Variants in WWC2 observed in about 807,000 individuals in gnomAD.
The protein encoded by WWC2 is protein WWC2.
In WWC2, 101 loss-of-function variants were observed where a neutral mutation model predicts 138.5. That is an observed-to-expected ratio of 0.73 (90% CI 0.62 to 0.86). The LOEUF is 0.86. Among genes scored for constraint, WWC2 ranks in the 40% least tolerant of loss-of-function variants. The pLI, the probability that WWC2 is intolerant of heterozygous loss-of-function variation, is 0.00. For missense variants in WWC2, 1,420 were observed against 1,419.4 expected (o/e 1.00, Z -0.01); for synonymous variants, 558 against 538.4 (o/e 1.04, Z -0.50).
At chr4:183,210,716 A>T (rs917468055) in intron 4 of WWC2, among the ~76,000 whole-genome samples, 2 of 152,218 alleles carry the variant, frequency 1.3e-5, no homozygotes, top group Non-Finnish European at 2.9e-5. Flanking sequence ...CACCTCAGCT[A>T]TATGGGATAG....
At chr4:183,139,652 C>G (rs945627728) in intron 1 of WWC2, among the ~76,000 whole-genome samples, 1 of 152,154 alleles carries the variant, frequency 6.6e-6, no homozygotes, top group African/African-American at 2.4e-5. Context: ...TGTTTGAGAT[C>G]TTAAACTTGT....
chr4:183,258,646 C>G (rs1218871631), intron 9 of WWC2, among the ~76,000 whole-genome samples: 1 of 152,158 alleles, frequency 6.6e-6, no homozygotes, highest in Admixed American at 6.5e-5. Context: ...CTCCATTGAT[C>G]CCTTTAACAG....
chr4:183,133,116 C>T (rs115715876), intron 1 of WWC2, among the ~76,000 whole-genome samples: 7 of 137,274 alleles, frequency 5.1e-5, no homozygotes, highest in African/African-American at 1.9e-4. Context: ...TTCCCTTTTT[C>T]CTTCCCTTTT....
At chr4:183,140,055 G>T (rs1291816811) in intron 1 of WWC2, among the ~76,000 whole-genome samples, 1 of 152,212 alleles carries the variant, frequency 6.6e-6, no homozygotes, top group Non-Finnish European at 1.5e-5. Flanking sequence ...CAGGTAATCT[G>T]CCTGCCTCTG....
At chr4:183,289,676 C>G in intron 21 of WWC2, 41 bp downstream of exon 21, 1 of 1,593,028 alleles carries the variant, frequency 6.3e-7, no homozygotes, top group Non-Finnish European at 8.5e-7. Flanking sequence ...GGGCTTACAT[C>G]TTTTTTTAAA....
chr4:183,234,854 A>G (rs1160285668), intron 4 of WWC2, among the ~76,000 whole-genome samples: 1 of 152,178 alleles, frequency 6.6e-6, no homozygotes, highest in African/African-American at 2.4e-5. Context: ...GCATTAGCTT[A>G]ATCTTCTAGT....
chr4:183,261,351 C>T lies in WWC2; in HGVS notation c.1728C>T (p.Ala576=). ...TTCCCATGTCTTCTTCTCATGATGC[C>T]TCTCTCCATCAGTTCACTGCTGACT... ...GTFPMSSSHD[A]SLHQFTADFE... The change falls in exon 11 of 23, where the codon GCC becomes GCT. Residue 576 remains alanine, a synonymous_variant. Coordinates refer to ENST00000403733, the MANE Select transcript of WWC2 (RefSeq NM_024949.6). 1.2e-6 allele frequency: 2 copies of T among 1,613,380 alleles called. No homozygotes were observed. Among genetic ancestry groups the T allele is most frequent in the Non-Finnish European group, 1.7e-6 (2 of 1,179,666 alleles).
chr4:183,131,647 G>T (rs1732928676), intron 1 of WWC2, among the ~76,000 whole-genome samples: 1 of 152,104 alleles, frequency 6.6e-6, no homozygotes, highest in South Asian at 2.1e-4. Context: ...TTTTTTAACT[G>T]TCTTTGTGGA....
intron 16 of WWC2, among the ~76,000 whole-genome samples, chr4:183,275,146 C>G (rs2111389936): frequency 7.9e-6 from 1 of 126,852 alleles, no homozygotes; most frequent in East Asian, 2.1e-4. Context: ...GTTTGTTGCA[C>G]AGTTGATTTT....
At position 183,152,052 on chromosome 4, in the gene WWC2, A is replaced by G. The variant is rs574925496; in HGVS notation, c.132-41547A>G. 2.0e-5 allele frequency among the ~76,000 whole-genome samples: 3 copies of G among 152,334 alleles called. No individual in the cohort carries two copies. In the East Asian group the frequency reaches 5.8e-4, roughly 29 times the overall value. ...TCGTAACTGAAAGTGGGTGTGGAGA[A>G]ACATTGCTTGTCTCTTGGATTCTGG... On this transcript the variant is annotated intron_variant, in intron 1 of 22. Transcript: ENST00000403733.
At chr4:183,107,504 T>C (rs955774776) in intron 1 of WWC2, among the ~76,000 whole-genome samples, 7 of 152,194 alleles carry the variant, frequency 4.6e-5, no homozygotes, top group Non-Finnish European at 8.8e-5. Context: ...AGGATCTTAC[T>C]GTGGTGTTGA....
chr4:183,225,399 A>G (rs1031574898), intron 4 of WWC2, among the ~76,000 whole-genome samples: 4 of 152,238 alleles, frequency 2.6e-5, no homozygotes, highest in Non-Finnish European at 5.9e-5. Context: ...ATGTGTAAGG[A>G]TATCTCTTTG....
intron 9 of WWC2, among the ~76,000 whole-genome samples, chr4:183,257,697 G>A (rs972658380): frequency 2.6e-5 from 4 of 152,112 alleles, no homozygotes; most frequent in South Asian, 2.1e-4. Context: ...TCAGGCTTTC[G>A]CTAGGAGAGG....
At chr4:183,111,292 A>G (rs1416673242) in intron 1 of WWC2, among the ~76,000 whole-genome samples, 1 of 152,226 alleles carries the variant, frequency 6.6e-6, no homozygotes, top group Non-Finnish European at 1.5e-5. Flanking sequence ...TACGTTGCAT[A>G]CTTTATTGAC....
At chr4:183,255,877 C>CTTTTTTTT (rs551883972) in intron 9 of WWC2, among the ~76,000 whole-genome samples, 9 of 140,750 alleles carry the variant, frequency 6.4e-5, no homozygotes, top group African/African-American at 2.1e-4. Context: ...GCTTTTTTTC[C>CTTTTTTTT]TTTTTTTTTT....
intron 1 of WWC2, among the ~76,000 whole-genome samples, chr4:183,111,942 C>T (rs1431308667): frequency 6.6e-6 from 1 of 152,166 alleles, no homozygotes; most frequent in Non-Finnish European, 1.5e-5. Flanking sequence ...AAGCATTTCT[C>T]CCATCGTGGC....
At chr4:183,220,355 C>G (rs1735885713) in intron 4 of WWC2, among the ~76,000 whole-genome samples, 1 of 152,168 alleles carries the variant, frequency 6.6e-6, no homozygotes, top group Non-Finnish European at 1.5e-5. Context: ...CATCAGAAAA[C>G]TCATATAGCA....
Position 183,319,544 on chromosome 4 carries a change from G to A in WWC2, c.*3815G>A, listed in dbSNP as rs752629967. On this transcript the variant is annotated 3_prime_UTR_variant, in exon 23 of 23. Transcript: ENST00000403733. ...AGCGTCTCCTGAACAGCAGACGCTT[G>A]TCCTTTCTGGCTTAGTGTTTCAGGT... 1 of 1,600,368 alleles carries A rather than the reference G, an allele frequency of 6.2e-7. No individual in the cohort carries two copies. Among genetic ancestry groups the A allele is most frequent in the Admixed American group, 1.7e-5 (1 of 58,540 alleles).
At chr4:183,167,635 T>A (rs1347891217) in intron 1 of WWC2, among the ~76,000 whole-genome samples, 1 of 152,126 alleles carries the variant, frequency 6.6e-6, no homozygotes, top group African/African-American at 2.4e-5. Flanking sequence ...TTAGTGGAGA[T>A]AGAGAACAGT....
Sources: allele counts gnomAD v4.1 joint callset (sites outside exome capture counted in the v4.1 genomes callset), GRCh38; gene constraint gnomAD v4.1.1; transcripts MANE v1.5; gene names NCBI Gene and HGNC (gene_info 2026-07-23, HGNC 2026-07-21).